Variants in SLC29A3 observed in about 807,000 individuals in gnomAD.
SLC29A3 encodes the protein equilibrative nucleoside transporter 3.
SLC29A3 carries 18 observed loss-of-function variants against 25.4 expected under a neutral mutation model. The observed-to-expected ratio is 0.71, with a 90% CI of 0.49 to 1.05. The LOEUF (loss-of-function observed/expected upper bound fraction) is 1.05, where lower values mean the gene tolerates loss of function less well. SLC29A3 is among the 50% of genes least tolerant of loss of function. The pLI, the probability that SLC29A3 is intolerant of heterozygous loss-of-function variation, is 0.00. For missense variants in SLC29A3, 586 were observed against 609.0 expected (o/e 0.96, Z 0.40); for synonymous variants, 258 against 267.1 (o/e 0.97, Z 0.33).
At chr10:71,378,129 A>G (rs1455622611) in intron 4 of SLC29A3, among the ~76,000 whole-genome samples, 2 of 152,194 alleles carry the variant, frequency 1.3e-5, no homozygotes, top group Admixed American at 1.3e-4. Context: ...AAAAAGAATA[A>G]AAAATTACAA....
intron 2 of SLC29A3, among the ~76,000 whole-genome samples, chr10:71,341,132 C>T (rs1326729748): frequency 6.6e-6 from 1 of 152,104 alleles, no homozygotes; most frequent in Non-Finnish European, 1.5e-5. Flanking sequence ...GGGCTTGACT[C>T]CCCCATCCTC....
intron 4 of SLC29A3, chr10:71,375,934 C>T (rs1332766891): frequency 6.6e-6 from 1 of 152,182 alleles, no homozygotes; most frequent in African/African-American, 2.4e-5. Context: ...TGATTGATCC[C>T]TTTAAATTGA....
downstream of SLC29A3, among the ~76,000 whole-genome samples, chr10:71,363,869 G>A (rs1370099388): frequency 6.8e-6 from 1 of 146,154 alleles, no homozygotes; most frequent in African/African-American, 2.6e-5. Context: ...GAGTGCAGTG[G>A]CTCAATCTCG....
intron 4 of SLC29A3, 34 bp from the exon 5 acceptor site, chr10:71,356,047 C>T: frequency 4.3e-6 from 7 of 1,612,202 alleles, no homozygotes; most frequent in Non-Finnish European, 5.9e-6. Context: ...TCGCCCACCC[C>T]TCACCATCTC....
rs115598543 is a variant in SLC29A3 at position 71,379,082 on chromosome 10, G to A, written c.*212-684G>A. On this transcript the variant is annotated intron_variant and NMD_transcript_variant, in intron 4 of 4. Coordinates refer to the SLC29A3 transcript ENST00000642772. ...CCCTCACAATGCCTCAGTTGAGAGG[G>A]AGATGTTGCCCCCCAACGGGGAAAC... Among the ~76,000 whole-genome samples, 323 of 152,316 alleles carry A rather than the reference G, an allele frequency of 2.1e-3. 2 individuals are homozygous for A. Among genetic ancestry groups the A allele is most frequent in the African/African-American group, 7.2e-3 (299 of 41,564 alleles).
intron 3 of SLC29A3, among the ~76,000 whole-genome samples, chr10:71,344,739 C>G (rs1283055148): frequency 6.6e-6 from 1 of 152,250 alleles, no homozygotes; most frequent in African/African-American, 2.4e-5. Context: ...GAGGCTCCAT[C>G]TGGATATGCC....
intron 4 of SLC29A3, among the ~76,000 whole-genome samples, chr10:71,355,153 A>AG (rs1846868324): frequency 6.6e-6 from 1 of 152,228 alleles, no homozygotes; most frequent in Non-Finnish European, 1.5e-5. Flanking sequence ...CACACAGGGC[A>AG]GGGGTTGTTA....
intron 3 of SLC29A3, among the ~76,000 whole-genome samples, chr10:71,347,694 C>T (rs1383931614): frequency 2.0e-5 from 3 of 152,064 alleles, no homozygotes; most frequent in Admixed American, 6.6e-5. Flanking sequence ...AATTAGCAGG[C>T]GGGAAGGAGA....
At chr10:71,321,533 A>G (rs1845845933) in intron 1 of SLC29A3, among the ~76,000 whole-genome samples, 1 of 152,260 alleles carries the variant, frequency 6.6e-6, no homozygotes, top group Non-Finnish European at 1.5e-5. Context: ...GCAAAGAAGC[A>G]GGCATGCTAC....
At chr10:71,371,736 T>C (rs1029303606) in intron 3 of SLC29A3, among the ~76,000 whole-genome samples, 2 of 152,228 alleles carry the variant, frequency 1.3e-5, no homozygotes, top group Non-Finnish European at 2.9e-5. Flanking sequence ...GTAAAAGGGA[T>C]TGACAGTGTG....
chr10:71,358,975 A>G (rs553044036), intron 5 of SLC29A3, among the ~76,000 whole-genome samples: 9 of 152,284 alleles, frequency 5.9e-5, no homozygotes, highest in East Asian at 1.9e-4. Context: ...CAGTGGCACA[A>G]TCACGGCTCA....
chr10:71,359,651 A>T (rs746730591), intron 5 of SLC29A3, among the ~76,000 whole-genome samples: 14 of 152,174 alleles, frequency 9.2e-5, no homozygotes, highest in Non-Finnish European at 1.6e-4. Flanking sequence ...GCAGGTCCTC[A>T]GGGTGGGAGG....
rs980531594 is a variant in SLC29A3, at chr10:71,322,660, C to T, written c.2-96C>T. The T allele has an allele frequency of 6.4e-6, 9 of 1,406,750 alleles. No homozygotes were observed. In the Admixed American group the frequency reaches 1.3e-4, roughly 21 times the overall value. 87.1% of individuals were successfully genotyped at this position (1,406,750 alleles called of 1,614,324 possible). ...CTTTACAGAGCCCAGGGTGAGGGGGCATGGTCATTTTGTAGGCTGGGTGGG... is the reference window on the plus strand; with the variant it reads ...CTTTACAGAGCCCAGGGTGAGGGGGTATGGTCATTTTGTAGGCTGGGTGGG... On this transcript the variant is annotated intron_variant, in intron 1 of 5. Coordinates refer to ENST00000373189, the MANE Select transcript of SLC29A3 (RefSeq NM_018344.6).
chr10:71,368,194 C>A (rs1466511564), downstream of SLC29A3, among the ~76,000 whole-genome samples: 5 of 152,218 alleles, frequency 3.3e-5, no homozygotes, highest in East Asian at 9.7e-4. Context: ...TGCACCACTG[C>A]ACCCCAGCCT....
rs1215807503 is a variant in SLC29A3 at position 71,356,137 on chromosome 10, T to C, written c.667T>C (p.Ser223Pro). Residue 223 changes from serine to proline, a missense_variant, in exon 5 of 6, where the codon TCC becomes CCC. Ser to Pro is a moderately conservative substitution (Grantham distance 74, BLOSUM62 -1). Coordinates refer to ENST00000373189, the MANE Select transcript of SLC29A3 (RefSeq NM_018344.6). ...GGCCTCATTGGTGGACTTGGCTGCA[T>C]CCAGTGATGTGAGGAACAGCGCCCT... ...AVASLVDLAA[S>P]SDVRNSALAF... The C allele has an allele frequency of 6.2e-7, 1 of 1,614,044 alleles. No individual in the cohort carries two copies. The highest frequency in any genetic ancestry group is 8.5e-7 in the Non-Finnish European group (1 of 1,180,046).
exon 5 of SLC29A3, chr10:71,380,425 A>T (rs1270641359): frequency 6.6e-6 from 1 of 152,138 alleles, no homozygotes; most frequent in Non-Finnish European, 1.5e-5. Context: ...TAAAGTGGGG[A>T]GTCCTGCTCC....
intron 2 of SLC29A3, among the ~76,000 whole-genome samples, chr10:71,332,762 G>A (rs566572107): frequency 2.5e-4 from 38 of 152,328 alleles, no homozygotes; most frequent in African/African-American, 8.9e-4. Context: ...GGCCCAGCCA[G>A]CGTGCCATTC....
chr10:71,345,835 G>A (rs562347778), intron 3 of SLC29A3, among the ~76,000 whole-genome samples: 6 of 152,334 alleles, frequency 3.9e-5, no homozygotes, highest in African/African-American at 1.2e-4. Context: ...AGCAGGAGGC[G>A]AGGAAGAGGG....
rs746298917 is a variant in SLC29A3 at position 71,322,775 on chromosome 10, C to A, written c.21C>A (p.Asp7Glu). The change falls in exon 2 of 6, where the codon GAC becomes GAA. Residue 7 changes from aspartate (D) to glutamate (E), a missense_variant. Physicochemically the swap from Asp to Glu is conservative, Grantham distance 45 (BLOSUM62 2). Coordinates refer to ENST00000373189, the MANE Select transcript of SLC29A3 (RefSeq NM_018344.6). MAVVSE[D>E]DFQHSSNSTY... ...CAATAGTGGCCGTTGTCTCAGAGGA[C>A]GACTTTCAGCACAGTTCAAACTCCA... is the stretch of plus-strand genomic sequence containing the variant. 3.7e-5 allele frequency: 60 copies of A among 1,614,020 alleles called. No homozygotes were observed. Among genetic ancestry groups the A allele is most frequent in the Non-Finnish European group, 4.9e-5 (58 of 1,180,042 alleles).
Sources: allele counts gnomAD v4.1 joint callset (sites outside exome capture counted in the v4.1 genomes callset), GRCh38; gene constraint gnomAD v4.1.1; transcripts MANE v1.5; gene names NCBI Gene and HGNC (gene_info 2026-07-23, HGNC 2026-07-21).